DYNC1I1: variants seen among roughly 807,000 people sequenced by gnomAD.
DYNC1I1 encodes dynein cytoplasmic 1 intermediate chain 1.
In DYNC1I1, 43 loss-of-function variants were observed where a neutral mutation model predicts 86.6. The ratio of observed to expected loss-of-function variants is 0.50; its 90% CI spans 0.39 to 0.64. The LOEUF (loss-of-function observed/expected upper bound fraction) is 0.64. Among genes scored for constraint, DYNC1I1 ranks in the 30% least tolerant of loss-of-function variants. The probability of loss-of-function intolerance (pLI) is 0.00; values close to 1 mark genes in which losing one functional copy is unlikely to be tolerated. For synonymous variants in DYNC1I1, 262 were observed against 283.7 expected (o/e 0.92, Z 0.77); for missense variants, 604 against 788.8 (o/e 0.77, Z 2.81).
At chr7:95,865,811 T>C (rs964362755) in intron 5 of DYNC1I1, among the ~76,000 whole-genome samples, 2 of 152,136 alleles carry the variant, frequency 1.3e-5, no homozygotes, top group Admixed American at 6.5e-5. Flanking sequence ...GGCCATACCA[T>C]CTAGGTTTGC....
At chr7:95,873,875 C>T (rs1446954246) in intron 6 of DYNC1I1, among the ~76,000 whole-genome samples, 1 of 152,216 alleles carries the variant, frequency 6.6e-6, no homozygotes, top group Non-Finnish European at 1.5e-5. Flanking sequence ...GTCACTTTCA[C>T]ATAAGTCACC....
At chr7:96,040,786 A>G (rs542049934) in intron 14 of DYNC1I1, among the ~76,000 whole-genome samples, 2 of 150,414 alleles carry the variant, frequency 1.3e-5, no homozygotes, top group African/African-American at 2.5e-5. Context: ...CAATGGCACT[A>G]TCTTGGCTCA....
intron 1 of DYNC1I1, among the ~76,000 whole-genome samples, chr7:95,778,453 A>G (rs1793902054): frequency 6.6e-6 from 1 of 152,178 alleles, no homozygotes; most frequent in Non-Finnish European, 1.5e-5. Context: ...TGGCACAGCT[A>G]CTGGCAGTCA....
At chr7:95,977,273 G>A (rs904513255) in intron 6 of DYNC1I1, among the ~76,000 whole-genome samples, 4 of 152,162 alleles carry the variant, frequency 2.6e-5, no homozygotes, top group African/African-American at 9.7e-5. Flanking sequence ...TGGATGTACA[G>A]GTGCCCATTC....
chr7:96,046,684 T>C (rs751463699), intron 14 of DYNC1I1, among the ~76,000 whole-genome samples: 1 of 152,202 alleles, frequency 6.6e-6, no homozygotes, highest in Admixed American at 6.5e-5. Flanking sequence ...ATTTAGGCAG[T>C]GAGCTTGTGG....
rs115388419 is a variant in DYNC1I1, at chr7:96,094,600, A to G, written c.1777-2883A>G. ...AGTAATTCTAATGCCAAAAATTATTACTTTGGGTGTAGAAACAGCCTGTGA... is the reference window on the plus strand; with the variant it reads ...AGTAATTCTAATGCCAAAAATTATTGCTTTGGGTGTAGAAACAGCCTGTGA... On this transcript the variant is annotated intron_variant, in intron 16 of 16. Transcript: ENST00000447467. 3.1e-3 allele frequency among the ~76,000 whole-genome samples: 474 copies of G among 152,292 alleles called. 3 individuals carry two copies. The highest frequency in any genetic ancestry group is 0.011 in the African/African-American group (456 of 41,576).
intron 5 of DYNC1I1, among the ~76,000 whole-genome samples, chr7:95,856,009 G>A (rs2116093741): frequency 6.6e-6 from 1 of 152,244 alleles, no homozygotes; most frequent in Non-Finnish European, 1.5e-5. Context: ...AGTTTACTGT[G>A]ACTTTTTTAC....
intron 6 of DYNC1I1, among the ~76,000 whole-genome samples, chr7:95,895,073 G>A (rs6957943): frequency 0.15 from 22,395 of 152,164 alleles, 1,786 homozygotes; most frequent in Middle Eastern, 0.24. Flanking sequence ...GAAAGCTGCA[G>A]TGGATCAGAC....
chr7:95,993,269 G>A (rs1164012578), intron 9 of DYNC1I1, among the ~76,000 whole-genome samples: 1 of 152,124 alleles, frequency 6.6e-6, no homozygotes, highest in Non-Finnish European at 1.5e-5. Context: ...TAGAAATTAT[G>A]CCAATGACAT....
At chr7:96,062,463 C>G (rs750442949) in intron 14 of DYNC1I1, among the ~76,000 whole-genome samples, 1 of 151,590 alleles carries the variant, frequency 6.6e-6, no homozygotes, top group East Asian at 1.9e-4. Context: ...AATGGGAACC[C>G]TTGCAGTAAA....
Position 95,843,032 on chromosome 7 carries a change from C to A in DYNC1I1, c.374+14916C>A, listed in dbSNP as rs1789330762. Among the ~76,000 whole-genome samples the A allele has an allele frequency of 2.6e-5, 4 of 152,280 alleles. No homozygotes were observed. In the South Asian group the frequency reaches 8.3e-4, roughly 32 times the overall value. ...TTTTAGTTGGGACAGGAGCAGTGCT[C>A]AGCTTAGGGCTAATTCCTGCTACTG... On this transcript the variant is annotated intron_variant, in intron 5 of 16. Coordinates refer to ENST00000447467, the MANE Select transcript of DYNC1I1 (RefSeq NM_001135556.2).
At chr7:96,084,838 C>T (rs985074564) in intron 16 of DYNC1I1, among the ~76,000 whole-genome samples, 3 of 152,160 alleles carry the variant, frequency 2.0e-5, no homozygotes, top group African/African-American at 4.8e-5. Flanking sequence ...CCCAATTCAC[C>T]TCCCACAACC....
chr7:96,075,950 G>A, intron 14 of DYNC1I1, 107 bp from the exon 15 acceptor site: 4 of 1,458,396 alleles, frequency 2.7e-6, no homozygotes, highest in South Asian at 1.4e-5. Flanking sequence ...TTCATCTCGG[G>A]AAGTTTTATG....
At chr7:96,056,905 C>G (rs1789594797) in intron 14 of DYNC1I1, among the ~76,000 whole-genome samples, 1 of 151,980 alleles carries the variant, frequency 6.6e-6, no homozygotes, top group African/African-American at 2.4e-5. Flanking sequence ...ACCAAGCATA[C>G]CAAAGAATAG....
chr7:95,792,213 C>G (rs886152522), intron 1 of DYNC1I1, among the ~76,000 whole-genome samples: 2 of 152,134 alleles, frequency 1.3e-5, no homozygotes, highest in Non-Finnish European at 2.9e-5. Flanking sequence ...GTACATGTTC[C>G]AGCAGAACTA....
intron 1 of DYNC1I1, among the ~76,000 whole-genome samples, chr7:95,775,175 G>C (rs893023382): frequency 6.6e-6 from 1 of 152,178 alleles, no homozygotes; most frequent in African/African-American, 2.4e-5. Flanking sequence ...AGTAACTTTT[G>C]CTCAGCTACT....
chr7:95,929,003 T>C (rs2116402593), intron 6 of DYNC1I1, among the ~76,000 whole-genome samples: 1 of 152,308 alleles, frequency 6.6e-6, no homozygotes, highest in South Asian at 2.1e-4. Flanking sequence ...GTGTTCAAGA[T>C]ACTCCTCGTT....
intron 5 of DYNC1I1, among the ~76,000 whole-genome samples, chr7:95,855,681 C>G (rs1420202478): frequency 6.6e-6 from 1 of 152,162 alleles, no homozygotes; most frequent in African/African-American, 2.4e-5. Context: ...GGCTACAAAC[C>G]TGTATGACAT....
intron 6 of DYNC1I1, among the ~76,000 whole-genome samples, chr7:95,871,351 C>T (rs779619351): frequency 3.3e-5 from 5 of 151,780 alleles, no homozygotes; most frequent in Non-Finnish European, 7.4e-5. Flanking sequence ...ATACAGTTAG[C>T]GAGGGGGAAA....
Sources: gnomAD v4.1 joint callset for allele counts (sites outside exome capture counted in the v4.1 genomes callset) on GRCh38, gnomAD v4.1.1 for gene constraint, MANE v1.5 for transcripts, NCBI Gene and HGNC (gene_info 2026-07-23, HGNC 2026-07-21) for gene names.